The following CPNE2 variants were observed in gnomAD, a reference collection of about 807,000 sequenced individuals.
The protein encoded by CPNE2 is copine 2.
A neutral mutation model predicts 69.7 loss-of-function variants in CPNE2; 42 were observed. The ratio of observed to expected loss-of-function variants is 0.60; its 90% CI spans 0.47 to 0.78. The LOEUF is 0.78. CPNE2 is among the 30% of genes least tolerant of loss of function. The pLI, the probability that CPNE2 is intolerant of heterozygous loss-of-function variation, is 0.00. For synonymous variants in CPNE2, 294 were observed against 289.8 expected (o/e 1.01, Z -0.15); for missense variants, 587 against 732.0 (o/e 0.80, Z 2.29).
intron 1 of CPNE2, among the ~76,000 whole-genome samples, chr16:57,109,554 G>A (rs2069667866): frequency 6.6e-6 from 1 of 151,912 alleles, no homozygotes; most frequent in Admixed American, 6.6e-5. Flanking sequence ...GCTGCTGGTT[G>A]CCCATGTTTA....
At chr16:57,118,392 C>G (rs1414351316) in intron 5 of CPNE2, among the ~76,000 whole-genome samples, 3 of 148,866 alleles carry the variant, frequency 2.0e-5, no homozygotes, top group African/African-American at 7.4e-5. Context: ...CCAGGATGGT[C>G]TCGATCTCCT....
intron 1 of CPNE2, among the ~76,000 whole-genome samples, chr16:57,109,408 G>C (rs1251099812): frequency 1.3e-5 from 2 of 151,740 alleles, no homozygotes; most frequent in African/African-American, 4.8e-5. Context: ...CCCAGGAGGT[G>C]GAGGTTGCAG....
chr16:57,143,167 G>A (rs540934280), intron 14 of CPNE2: 6 of 152,402 alleles, frequency 3.9e-5, no homozygotes, highest in African/African-American at 1.2e-4. Flanking sequence ...TGTAATAGAC[G>A]TTTGAGGCTC....
rs766886996 is a variant in CPNE2, at chr16:57,121,756, G to A, written c.863G>A (p.Cys288Tyr). The change falls in exon 9 of 16, where the codon TGC becomes TAC. Residue 288 changes from cysteine to tyrosine, a missense_variant. Physicochemically the swap from Cys to Tyr is radical, Grantham distance 194. Transcript: ENST00000290776. ...TCGGGCATCATCATCCTGCGATCCTGCAAGGTGAACCAGCGTGGGCAAGCA... is the reference window on the plus strand; with the variant it reads ...TCGGGCATCATCATCCTGCGATCCTACAAGGTGAACCAGCGTGGGCAAGCA... ...KNSGIIILRS[C>Y]KINRDYSFLD... The A allele has an allele frequency of 8.1e-6, 13 of 1,614,158 alleles. No homozygotes were observed. In the South Asian group the frequency reaches 1.4e-4, roughly 18 times the overall value.
chr16:57,140,208 T>C (rs2069911378), intron 14 of CPNE2, among the ~76,000 whole-genome samples: 1 of 145,430 alleles, frequency 6.9e-6, no homozygotes, highest in Non-Finnish European at 1.6e-5. Flanking sequence ...TTCACTCTTG[T>C]TGCCCAGGCT....
At position 57,117,545 on chromosome 16, in the gene CPNE2, C is replaced by T. The variant is rs562254036; in HGVS notation, c.485C>T (p.Ala162Val). Residue 162 changes from alanine (A) to valine (V), a missense_variant, in exon 5 of 16, where the codon GCG (alanine) becomes GTG (valine). Physicochemically the swap from Ala to Val is moderately conservative, Grantham distance 64 (BLOSUM62 0). This residue lies in a region of CPNE2 where 269 missense variants were observed against 300.5 expected (regional missense o/e 0.90). Coordinates refer to ENST00000290776, the MANE Select transcript of CPNE2 (RefSeq NM_152727.6). ...AACCGCGTCATCACACTAAGCCTGG[C>T]GGGCAGGAGGCTGGACAAGAAGGTA... is the stretch of plus-strand genomic sequence containing the variant. The part of the protein sequence containing the change: ...SDNRVITLSL[A>V]GRRLDKKDLF... 10 of 1,613,910 alleles carry T rather than the reference C, an allele frequency of 6.2e-6. No individual in the cohort carries two copies. The highest frequency in any genetic ancestry group is 5.3e-5 in the African/African-American group (4 of 75,034).
At chr16:57,093,775 C>T (rs1251596615) in intron 1 of CPNE2, among the ~76,000 whole-genome samples, 1 of 152,216 alleles carries the variant, frequency 6.6e-6, no homozygotes, top group African/African-American at 2.4e-5. Flanking sequence ...GTGCTGTCAT[C>T]AAAGGTTGGG....
chr16:57,119,105 C>A, intron 5 of CPNE2, 90 bp from the exon 6 acceptor site: 1 of 1,163,904 alleles, frequency 8.6e-7, no homozygotes, highest in Non-Finnish European at 1.3e-6. Context: ...ATCCTGACAC[C>A]CGGCTGGGGA....
intron 14 of CPNE2, chr16:57,140,868 A>ATTTTT (rs55901819): frequency 3.1e-4 from 27 of 86,092 alleles, no homozygotes; most frequent in African/African-American, 1.3e-3. Flanking sequence ...CCCGGCCGGG[A>ATTTTT]TTTTTTTTTT....
chr16:57,119,418 C>G lies in CPNE2; in HGVS notation c.591+140C>G, dbSNP rs2069744596. 4 of 1,123,174 alleles carry G rather than the reference C, an allele frequency of 3.6e-6. No individual in the cohort carries two copies. In the Admixed American group the frequency reaches 5.9e-5, roughly 17 times the overall value. 69.6% of individuals were successfully genotyped at this position (1,123,174 alleles called of 1,614,324 possible). A position where few individuals can be genotyped will look rare whatever the true frequency, so the allele number is the denominator to read the frequency against. On this transcript the variant is annotated intron_variant, in intron 6 of 15. Transcript: ENST00000290776. ...GTGGCACCTGAGGGATATGCTTCCT[C>G]CCAGCCACAGGGACGCTCACTTCTG...
At chr16:57,115,933 C>A (rs2069716327) in intron 4 of CPNE2, among the ~76,000 whole-genome samples, 1 of 152,254 alleles carries the variant, frequency 6.6e-6, no homozygotes, top group African/African-American at 2.4e-5. Flanking sequence ...AGGCCCTTCG[C>A]CCGGATGAGC....
Position 57,117,572 on chromosome 16 carries a change from G to T in CPNE2, c.507+5G>T. ...GGCAGGAGGCTGGACAAGAAGGTAA[G>T]GCGGGCAGAGGAAGGGCTCCCATTG... On this transcript the variant is annotated splice_donor_5th_base_variant and intron_variant, in intron 5 of 15. Coordinates refer to ENST00000290776, the MANE Select transcript of CPNE2 (RefSeq NM_152727.6). 1 of 1,613,266 alleles carries T rather than the reference G, an allele frequency of 6.2e-7. No individual in the cohort carries two copies. The highest frequency in any genetic ancestry group is 8.5e-7 in the Non-Finnish European group (1 of 1,179,708).
chr16:57,119,824 C>T (rs1463328721), intron 7 of CPNE2, among the ~76,000 whole-genome samples, 174 bp downstream of exon 7: 1 of 152,242 alleles, frequency 6.6e-6, no homozygotes, highest in Non-Finnish European at 1.5e-5. Context: ...CTATCTGATG[C>T]CCTGAAGTAC....
intron 12 of CPNE2, among the ~76,000 whole-genome samples, chr16:57,132,265 C>T (rs1184250286): frequency 6.6e-6 from 1 of 152,214 alleles, no homozygotes; most frequent in Admixed American, 6.5e-5. Flanking sequence ...GGCTGAGGGT[C>T]TCAGGACGCG....
intron 1 of CPNE2, among the ~76,000 whole-genome samples, chr16:57,103,419 T>C (rs1180976725): frequency 6.6e-6 from 1 of 152,212 alleles, no homozygotes; most frequent in Non-Finnish European, 1.5e-5. Context: ...CTGCCACACC[T>C]GGCCTGTTTT....
At chr16:57,101,368 C>T (rs531791614) in intron 1 of CPNE2, among the ~76,000 whole-genome samples, 7 of 152,278 alleles carry the variant, frequency 4.6e-5, no homozygotes, top group African/African-American at 1.4e-4. Context: ...GCAATTTAGA[C>T]CTGGATGCAT....
intron 1 of CPNE2, among the ~76,000 whole-genome samples, chr16:57,099,878 C>A (rs2069602582): frequency 6.7e-6 from 1 of 149,838 alleles, no homozygotes; most frequent in East Asian, 2.0e-4. Context: ...TGGATTCAAG[C>A]GATTCTCCTG....
chr16:57,120,774 G>C (rs189139415), intron 7 of CPNE2, among the ~76,000 whole-genome samples: 1 of 152,150 alleles, frequency 6.6e-6, no homozygotes, highest in South Asian at 2.1e-4. Context: ...TATGTCTAGA[G>C]AGGGCCCCAG....
chr16:57,146,000 CGGA>C, intron 14 of CPNE2, 82 bp from the exon 15 acceptor site: 1 of 1,171,508 alleles, frequency 8.5e-7, no homozygotes, highest in Non-Finnish European at 1.2e-6. Context: ...CTCCAGGACT[CGGA>C]GGGTTTGGGA....
Sources: gnomAD v4.1 joint callset for allele counts (sites outside exome capture counted in the v4.1 genomes callset) on GRCh38, gnomAD v4.1.1 for gene constraint, gnomAD v4.1.1 regional missense constraint, MANE v1.5 for transcripts, NCBI Gene and HGNC (gene_info 2026-07-23, HGNC 2026-07-21) for gene names.